KCNQ3: variants seen among roughly 807,000 people sequenced by gnomAD.
KCNQ3 encodes the protein potassium voltage-gated channel subfamily KQT member 3.
In KCNQ3, 30 loss-of-function variants were observed where a neutral mutation model predicts 92.5. The observed-to-expected ratio is 0.32, with a 90% CI of 0.24 to 0.44. The LOEUF (loss-of-function observed/expected upper bound fraction) is 0.44, where lower values mean the gene tolerates loss of function less well. KCNQ3 is among the 20% of genes least tolerant of loss of function. The pLI is 1.00. For missense variants in KCNQ3, 913 were observed against 1,140.3 expected, an observed-to-expected ratio of 0.80 and a Z score of 2.87; for synonymous variants, 450 against 468.8, an observed-to-expected ratio of 0.96 and a Z score of 0.52.
chr8:132,219,290 C>T (rs188249988), intron 1 of KCNQ3, among the ~76,000 whole-genome samples: 8 of 152,244 alleles, frequency 5.3e-5, no homozygotes, highest in Non-Finnish European at 8.8e-5. Flanking sequence ...TCTCAGACCA[C>T]CCTTGATGAG....
intron 1 of KCNQ3, among the ~76,000 whole-genome samples, chr8:132,369,827 G>A (rs1350382): frequency 0.17 from 25,851 of 152,164 alleles, 2,683 homozygotes; most frequent in African/African-American, 0.29. Context: ...TGTTCAGGGT[G>A]TTTAGGAAGA....
chr8:132,413,615 T>C (rs1418687741), intron 1 of KCNQ3, among the ~76,000 whole-genome samples: 1 of 152,208 alleles, frequency 6.6e-6, no homozygotes, highest in Non-Finnish European at 1.5e-5. Context: ...AATAAATAAA[T>C]GGATCCTATA....
chr8:132,297,574 T>C (rs1817080965), intron 1 of KCNQ3, among the ~76,000 whole-genome samples: 1 of 152,226 alleles, frequency 6.6e-6, no homozygotes, highest in African/African-American at 2.4e-5. Context: ...CCCTATGTCA[T>C]AAATGTACTC....
At chr8:132,214,959 G>GC (rs1487283138) in intron 1 of KCNQ3, among the ~76,000 whole-genome samples, 1 of 152,200 alleles carries the variant, frequency 6.6e-6, no homozygotes, top group Non-Finnish European at 1.5e-5. Context: ...TCTGACTTCT[G>GC]CCCATCCACA....
intron 1 of KCNQ3, among the ~76,000 whole-genome samples, chr8:132,200,570 C>T (rs983897217): frequency 3.3e-5 from 5 of 152,030 alleles, no homozygotes; most frequent in Non-Finnish European, 5.9e-5. Flanking sequence ...CTTAAAAACA[C>T]CCCTGTCGTG....
intron 1 of KCNQ3, among the ~76,000 whole-genome samples, chr8:132,305,739 C>T (rs2130597538): frequency 6.6e-6 from 1 of 152,236 alleles, no homozygotes; most frequent in South Asian, 2.1e-4. Flanking sequence ...TCTTCCTCCT[C>T]TTGTCCCTTC....
At chr8:132,321,102 G>C (rs1280713904) in intron 1 of KCNQ3, among the ~76,000 whole-genome samples, 5 of 152,226 alleles carry the variant, frequency 3.3e-5, no homozygotes, top group Admixed American at 3.3e-4. Context: ...GACCACAGCT[G>C]TAGGTTGTGG....
rs527740208 is a variant in KCNQ3, at chr8:132,216,506, G to A, written c.387-30325C>T. On this transcript the variant is annotated intron_variant, in intron 1 of 14. Coordinates refer to ENST00000388996, the MANE Select transcript of KCNQ3 (RefSeq NM_004519.4). ...GGCAGAATGGATGGGAGGGAGGGAC[G>A]CAGCCTCCCACCAGTGGCACAATGC... Among the ~76,000 whole-genome samples, 36 of 152,304 alleles carry A rather than the reference G, an allele frequency of 2.4e-4. 1 individual carries two copies. The East Asian group carries it at 4.1e-3, about 17-fold the overall frequency.
At chr8:132,210,974 C>T (rs1041091938) in intron 1 of KCNQ3, among the ~76,000 whole-genome samples, 1 of 152,184 alleles carries the variant, frequency 6.6e-6, no homozygotes, top group Non-Finnish European at 1.5e-5. Flanking sequence ...GCACAGAAGT[C>T]ACTTTTGCAT....
chr8:132,245,564 C>T (rs1162271021), intron 1 of KCNQ3, among the ~76,000 whole-genome samples: 2 of 152,100 alleles, frequency 1.3e-5, no homozygotes, highest in Non-Finnish European at 2.9e-5. Context: ...GTTTTAACCA[C>T]CCTTCTCCAT....
chr8:132,340,814 A>G (rs1818509556), intron 1 of KCNQ3, among the ~76,000 whole-genome samples: 3 of 152,342 alleles, frequency 2.0e-5, no homozygotes, highest in Non-Finnish European at 2.9e-5. Flanking sequence ...CATTCTTCTT[A>G]AAGAGCAGCC....
chr8:132,310,215 C>G (rs1026135657), intron 1 of KCNQ3, among the ~76,000 whole-genome samples: 1 of 152,236 alleles, frequency 6.6e-6, no homozygotes, highest in African/African-American at 2.4e-5. Flanking sequence ...TGCTGGTTTA[C>G]TGAGACTGGC....
At chr8:132,312,814 G>A (rs896203886) in intron 1 of KCNQ3, among the ~76,000 whole-genome samples, 1 of 152,172 alleles carries the variant, frequency 6.6e-6, no homozygotes, top group Non-Finnish European at 1.5e-5. Context: ...TAAGTTTCCT[G>A]AGGTCTCTCC....
chr8:132,400,947 C>T (rs1820315942), intron 1 of KCNQ3, among the ~76,000 whole-genome samples: 1 of 152,226 alleles, frequency 6.6e-6, no homozygotes, highest in Admixed American at 6.5e-5. Context: ...CTGACATGAT[C>T]TCAGCATTCT....
chr8:132,280,569 G>GC (rs1181847973), intron 1 of KCNQ3, among the ~76,000 whole-genome samples: 1 of 152,032 alleles, frequency 6.6e-6, no homozygotes, highest in South Asian at 2.1e-4. Context: ...CTCCCATCAG[G>GC]CCCCACCTCC....
At chr8:132,355,118 A>G (rs1818984411) in intron 1 of KCNQ3, among the ~76,000 whole-genome samples, 1 of 152,166 alleles carries the variant, frequency 6.6e-6, no homozygotes, top group African/African-American at 2.4e-5. Flanking sequence ...CTATTTATGA[A>G]AATGTCACAA....
intron 1 of KCNQ3, among the ~76,000 whole-genome samples, chr8:132,466,702 C>T (rs1822179388): frequency 6.6e-6 from 1 of 152,136 alleles, no homozygotes; most frequent in South Asian, 2.1e-4. Flanking sequence ...TGCATTCTCA[C>T]TAGGGATGCT....
chr8:132,211,939 C>T (rs1035705751), intron 1 of KCNQ3, among the ~76,000 whole-genome samples: 3 of 136,864 alleles, frequency 2.2e-5, no homozygotes, highest in Admixed American at 7.6e-5. Context: ...AGTGACAGTG[C>T]TAGACTCCAT....
chr8:132,473,469 C>T (rs1822337682), intron 1 of KCNQ3, among the ~76,000 whole-genome samples: 1 of 152,186 alleles, frequency 6.6e-6, no homozygotes, highest in Non-Finnish European at 1.5e-5. Context: ...GTATATGTTC[C>T]ATTAGGCAGA....
Sources: gnomAD v4.1 joint callset for allele counts (sites outside exome capture counted in the v4.1 genomes callset) on GRCh38, gnomAD v4.1.1 for gene constraint, MANE v1.5 for transcripts, NCBI Gene and HGNC (gene_info 2026-07-23, HGNC 2026-07-21) for gene names.